P2RX5: variants seen among roughly 807,000 people sequenced by gnomAD.
P2RX5 encodes purinergic receptor P2X 5, also known as P2X purinoceptor 5.
Under a neutral mutation model 54.1 loss-of-function variants are expected in P2RX5, and 46 were observed. That is an observed-to-expected ratio of 0.85 (90% CI 0.67 to 1.09). The LOEUF (loss-of-function observed/expected upper bound fraction) is 1.09. P2RX5 is among the 50% of genes least tolerant of loss of function. The pLI is 0.00. For synonymous variants in P2RX5, 226 were observed against 226.4 expected (o/e 1.00, Z 0.02); for missense variants, 566 against 549.8 (o/e 1.03, Z -0.29).
the P2RX5 span, among the ~76,000 whole-genome samples, chr17:3,714,335 C>G: frequency 6.6e-6 from 1 of 152,122 alleles, no homozygotes; most frequent in Non-Finnish European, 1.5e-5. Context: ...TCAAATGATT[C>G]TCCTGCCTCA....
upstream of P2RX5, chr17:3,696,172 G>A (rs531880674): frequency 2.7e-4 from 160 of 582,894 alleles, 2 homozygotes; most frequent in Non-Finnish European, 3.8e-4. Context: ...GCGGGTCGGG[G>A]CGGCCTTTTA....
At chr17:3,704,804 C>G in the P2RX5 span, among the ~76,000 whole-genome samples, 2 of 152,136 alleles carry the variant, frequency 1.3e-5, no homozygotes, top group African/African-American at 2.4e-5. Flanking sequence ...GTCAGGAGTT[C>G]GAGACCAGCC....
the P2RX5 span, among the ~76,000 whole-genome samples, chr17:3,720,070 T>C: frequency 1.3e-5 from 2 of 152,140 alleles, no homozygotes; most frequent in East Asian, 3.8e-4. Context: ...AATCAAAGTA[T>C]ATACTGCAGA....
the P2RX5 span, chr17:3,717,236 G>T: frequency 1.2e-5 from 2 of 161,386 alleles, no homozygotes; most frequent in African/African-American, 4.8e-5. Context: ...ACTCCGTTCT[G>T]ACGGCTCTTT....
At chr17:3,677,920 C>T (rs773845503) in intron 11 of P2RX5, 320 of 985,250 alleles carry the variant, frequency 3.2e-4, no homozygotes, top group Non-Finnish European at 3.6e-4. Context: ...CCTCACTCAG[C>T]AAAAAGCTTG....
intron 9 of P2RX5, among the ~76,000 whole-genome samples, chr17:3,684,758 C>G (rs2050387573): frequency 6.6e-6 from 1 of 151,792 alleles, no homozygotes; most frequent in South Asian, 2.1e-4. Flanking sequence ...GTGTGTAAGA[C>G]CACAACACAG....
At chr17:3,720,025 C>A in the P2RX5 span, among the ~76,000 whole-genome samples, 1 of 152,152 alleles carries the variant, frequency 6.6e-6, no homozygotes, top group Admixed American at 6.5e-5. Context: ...CTGCGCCCAG[C>A]TGCGAAATTT....
chr17:3,677,480 A>G lies in P2RX5; in HGVS notation c.1259+2110T>C, dbSNP rs919236870. 3 of 985,292 alleles carry G rather than the reference A, an allele frequency of 3.0e-6. No homozygotes were observed. The African/African-American group carries it at 5.2e-5, about 17-fold the overall frequency. The allele number at this position is 985,292 out of a possible 1,614,324, so 61.0% of individuals were successfully genotyped here. On this transcript the variant is annotated intron_variant, in intron 11 of 11. Transcript: ENST00000225328. ...CTCCAGTCCTTTCCTGGTTGCCTCC[A>G]TGGCCACCTTTAAATTTTATCCTTG...
intron 1 of P2RX5, 100 bp from the exon 2 acceptor site, chr17:3,691,894 T>C (rs970948128): frequency 2.5e-5 from 31 of 1,259,596 alleles, no homozygotes; most frequent in Admixed American, 1.0e-4. Flanking sequence ...CAACTCCTAG[T>C]TGAGGTGGAG....
At position 3,691,018 on chromosome 17, in the gene P2RX5, C is replaced by G. The variant is rs374811457; in HGVS notation, c.298G>C (p.Val100Leu). Residue 100 changes from valine (V) to leucine (L), a missense_variant, in exon 3 of 12, where the codon GTC becomes CTC. Physicochemically the swap from Val to Leu is conservative, Grantham distance 32. Transcript: ENST00000225328. ...ATCAGGTTGGTGACCACAAAAAAGA[C>G]GTTCTCTCCCTAAGGAACCAGAGAG... ...DYVIPAQGEN[V>L]FFVVTNLIVT... 1 of 1,612,340 alleles carries G rather than the reference C, an allele frequency of 6.2e-7. No homozygotes were observed. Among genetic ancestry groups the G allele is most frequent in the East Asian group, 2.2e-5 (1 of 44,884 alleles).
chr17:3,721,260 CTTTTTTTT>C, the P2RX5 span, among the ~76,000 whole-genome samples: 78 of 46,218 alleles, frequency 1.7e-3, no homozygotes, highest in Non-Finnish European at 2.0e-3. Context: ...GAGATTTTTC[CTTTTTTTT>C]TTTTTTTTTT....
intron 11 of P2RX5, among the ~76,000 whole-genome samples, chr17:3,678,447 C>T (rs974777714): frequency 6.6e-6 from 1 of 152,238 alleles, no homozygotes; most frequent in African/African-American, 2.4e-5. Flanking sequence ...TCGGGCTTCC[C>T]GCTTGCTCAG....
In P2RX5 at chr17:3,695,890, G is replaced by A. The variant is rs780340074; in HGVS notation, c.116C>T (p.Ser39Phe). The A allele has an allele frequency of 5.0e-6, 8 of 1,614,078 alleles. No individual in the cohort carries two copies. The highest frequency in any genetic ancestry group is 6.8e-6 in the Non-Finnish European group (8 of 1,179,988). The change falls in exon 1 of 12, where the codon TCC (serine) becomes TTC (phenylalanine). Residue 39 changes from serine to phenylalanine, a missense_variant. By Grantham distance (155) the Ser-to-Phe change is radical. Transcript: ENST00000225328. ...TTACACGACCAGGTACGCCAGGATGGAGGCCTGCAGCAGCCGGTACAGCAG... is the reference window on the plus strand; with the variant it reads ...TTACACGACCAGGTACGCCAGGATGAAGGCCTGCAGCAGCCGGTACAGCAG... ...VGLLYRLLQA[S>F]ILAYLVVWVF...
chr17:3,720,091 G>C, the P2RX5 span, among the ~76,000 whole-genome samples: 4 of 151,998 alleles, frequency 2.6e-5, no homozygotes, highest in African/African-American at 9.7e-5. Context: ...TTCCAGCCTA[G>C]TTATTTCAAC....
At chr17:3,715,722 T>G in the P2RX5 span, among the ~76,000 whole-genome samples, 1 of 151,612 alleles carries the variant, frequency 6.6e-6, no homozygotes, top group Non-Finnish European at 1.5e-5. Flanking sequence ...CTGGGTGTGG[T>G]GGCATGCACC....
the P2RX5 span, among the ~76,000 whole-genome samples, chr17:3,702,178 C>G: frequency 6.9e-6 from 1 of 144,852 alleles, no homozygotes; most frequent in East Asian, 2.0e-4. Context: ...CTGTGTCTAG[C>G]TAAAGGATTG....
At chr17:3,677,858 C>T in intron 11 of P2RX5, 1 of 985,440 alleles carries the variant, frequency 1.0e-6, no homozygotes, top group Non-Finnish European at 1.2e-6. Context: ...ACACCTGCTC[C>T]AGGGACTCCT....
the P2RX5 span, among the ~76,000 whole-genome samples, chr17:3,706,287 G>T: frequency 2.6e-5 from 4 of 151,972 alleles, no homozygotes; most frequent in South Asian, 2.1e-4. Flanking sequence ...TACAGACAGG[G>T]TTTCGCCGTG....
In P2RX5 at chr17:3,696,074, G is replaced by C; in HGVS notation, c.-69C>G. On this transcript the variant is annotated 5_prime_UTR_variant, in exon 1 of 12. Transcript: ENST00000225328. ...GCTCATGGGGAGCACTCGGTCCCTC[G>C]GTCCCTGCGCGCCCGGCGCCCGCCT... 1 of 1,535,996 alleles carries C rather than the reference G, an allele frequency of 6.5e-7. No individual in the cohort carries two copies. Among genetic ancestry groups the C allele is most frequent in the South Asian group, 1.2e-5 (1 of 82,900 alleles).
Sources: allele counts gnomAD v4.1 joint callset (sites outside exome capture counted in the v4.1 genomes callset), GRCh38; gene constraint gnomAD v4.1.1; transcripts MANE v1.5; gene names NCBI Gene and HGNC (gene_info 2026-07-23, HGNC 2026-07-21).